Variants in BCL10 observed in about 807,000 individuals in gnomAD.
The protein encoded by BCL10 is BCL10 immune signaling adaptor.
BCL10 carries 5 observed loss-of-function variants against 19.2 expected under a neutral mutation model. The observed-to-expected ratio is 0.26, with a 90% confidence interval of 0.14 to 0.55. The LOEUF is 0.55. BCL10 is among the 20% of genes least tolerant of loss of function. The pLI is 0.94. For synonymous variants in BCL10, 110 were observed against 98.8 expected (o/e 1.11, Z -0.67); for missense variants, 201 against 271.9 (o/e 0.74, Z 1.83).
chr1:85,268,094 A>C, intron 2 of BCL10, 112 bp from the exon 3 acceptor site: 1 of 661,964 alleles, frequency 1.5e-6, no homozygotes, highest in Non-Finnish European at 2.5e-6. Context: ...ATCAAAATTT[A>C]AATAGCAACT....
At chr1:85,269,576 T>C (rs1329670382) in intron 2 of BCL10, among the ~76,000 whole-genome samples, 1 of 152,224 alleles carries the variant, frequency 6.6e-6, no homozygotes, top group African/African-American at 2.4e-5. Context: ...AAGGGAAAAC[T>C]TGTAATGTGT....
intron 1 of BCL10, among the ~76,000 whole-genome samples, chr1:85,273,304 A>G (rs933090711): frequency 6.6e-6 from 1 of 152,198 alleles, no homozygotes; most frequent in Non-Finnish European, 1.5e-5. Flanking sequence ...TTTCAGCTGC[A>G]TAAACACAGT....
Position 85,266,145 on chromosome 1 carries a change from A to G in BCL10, c.*1482T>C. On this transcript the variant is annotated 3_prime_UTR_variant, in exon 3 of 3. Coordinates refer to ENST00000648566, the MANE Select transcript of BCL10 (RefSeq NM_003921.5). ...ATCAGTCCATCCAGAAATGCAACTC[A>G]ATCTCACAACCTGAAGTAATGTTTT... is the stretch of plus-strand genomic sequence containing the variant. The G allele has an allele frequency of 5.3e-6, 1 of 187,516 alleles. No individual in the cohort carries two copies. The highest frequency in any genetic ancestry group is 2.3e-5 in the African/African-American group (1 of 42,916). 11.6% of individuals were successfully genotyped at this position (187,516 alleles called of 1,614,324 possible).
Position 85,274,649 on chromosome 1 carries a change from A to G in BCL10, c.57+1647T>C, listed in dbSNP as rs537950042. On this transcript the variant is annotated intron_variant, in intron 1 of 2. Coordinates refer to ENST00000648566, the MANE Select transcript of BCL10 (RefSeq NM_003921.5). ...GATAGTAAAAGTTCAATATTTGACA[A>G]GGTGAGCAATCTGTAGGATATAAAA... 4.3e-4 allele frequency among the ~76,000 whole-genome samples: 65 copies of G among 152,370 alleles called. 1 individual carries two copies. The South Asian group carries it at 0.013, about 32-fold the overall frequency.
At chr1:85,268,423 T>C (rs1385348644) in intron 2 of BCL10, among the ~76,000 whole-genome samples, 2 of 152,196 alleles carry the variant, frequency 1.3e-5, no homozygotes, top group Non-Finnish European at 2.9e-5. Context: ...AATAGGATAT[T>C]AGAACTAAAA....
intron 1 of BCL10, among the ~76,000 whole-genome samples, chr1:85,275,692 G>A (rs1479603275): frequency 6.6e-6 from 1 of 152,176 alleles, no homozygotes; most frequent in Non-Finnish European, 1.5e-5. Flanking sequence ...CATCCGAGAA[G>A]AGCATAATTT....
intron 2 of BCL10, among the ~76,000 whole-genome samples, chr1:85,268,744 G>A (rs1467772064): frequency 6.7e-6 from 1 of 148,322 alleles, no homozygotes; most frequent in African/African-American, 2.5e-5. Flanking sequence ...CTCCAGCCTG[G>A]GTGACAAGAG....
chr1:85,267,457 T>C lies in BCL10; in HGVS notation c.*170A>G, dbSNP rs1406832119. The C allele has an allele frequency of 3.5e-6, 2 of 579,650 alleles. No individual in the cohort carries two copies. The highest frequency in any genetic ancestry group is 2.9e-6 in the Non-Finnish European group (1 of 341,504). The allele number at this position is 579,650 out of a possible 1,614,324, so 35.9% of individuals were successfully genotyped here. Reference sequence around the variant, plus strand: ...GATCAACATGATTTACAGTTAGCTATCCTAGAAGTATGCTTTTTTAATTCT... The same window carrying C: ...GATCAACATGATTTACAGTTAGCTACCCTAGAAGTATGCTTTTTTAATTCT... On this transcript the variant is annotated 3_prime_UTR_variant, in exon 3 of 3. Transcript: ENST00000648566.
chr1:85,269,012 T>C (rs796107943), intron 2 of BCL10, among the ~76,000 whole-genome samples: 27 of 152,306 alleles, frequency 1.8e-4, no homozygotes, highest in African/African-American at 6.5e-4. Flanking sequence ...CTGAGGCCTT[T>C]GGGAGGCAAC....
At chr1:85,268,027 A>C (rs756178483) in intron 2 of BCL10, 45 bp from the exon 3 acceptor site, 2 of 1,334,014 alleles carry the variant, frequency 1.5e-6, no homozygotes, top group Non-Finnish European at 2.0e-6. Flanking sequence ...TAACTAAAAA[A>C]ATGGAGTCAC....
intron 1 of BCL10, among the ~76,000 whole-genome samples, chr1:85,276,003 G>A (rs1259807488): frequency 6.6e-6 from 1 of 152,230 alleles, no homozygotes; most frequent in African/African-American, 2.4e-5. Context: ...GAACCCAGTT[G>A]GGGGGAAAGC....
At chr1:85,269,613 T>C (rs1476939052) in intron 2 of BCL10, among the ~76,000 whole-genome samples, 1 of 152,256 alleles carries the variant, frequency 6.6e-6, no homozygotes, top group African/African-American at 2.4e-5. Context: ...TTATAGACTA[T>C]GAGTTCCTTA....
chr1:85,268,328 C>T (rs955734652), intron 2 of BCL10, among the ~76,000 whole-genome samples: 1 of 151,990 alleles, frequency 6.6e-6, no homozygotes, highest in African/African-American at 2.4e-5. Context: ...TATTCTGGTA[C>T]AAAAAATATT....
In BCL10 at chr1:85,267,492, A is replaced by G. The variant is rs1411357761; in HGVS notation, c.*135T>C. On this transcript the variant is annotated 3_prime_UTR_variant, in exon 3 of 3. Transcript: ENST00000648566. ...ATGCTTTTTTAATTCTAAAAATCCTATTTACAAAGTATGCTTACATTGCAT... is the reference window on the plus strand; with the variant it reads ...ATGCTTTTTTAATTCTAAAAATCCTGTTTACAAAGTATGCTTACATTGCAT... 5.8e-6 allele frequency: 4 copies of G among 692,404 alleles called. No homozygotes were observed. Among genetic ancestry groups the G allele is most frequent in the Non-Finnish European group, 9.1e-6 (4 of 438,344 alleles). 42.9% of individuals were successfully genotyped at this position (692,404 alleles called of 1,614,324 possible).
chr1:85,270,868 G>T lies in BCL10; in HGVS notation c.96C>A (p.Ile32=). The T allele has an allele frequency of 6.2e-7, 1 of 1,612,868 alleles. No homozygotes were observed. The highest frequency in any genetic ancestry group is 8.5e-7 in the Non-Finnish European group (1 of 1,179,932). Residue 32 remains isoleucine (I), a synonymous_variant, in exon 2 of 3, where the codon ATC becomes ATA. Transcript: ENST00000648566. The part of the protein sequence containing the change: ...ENLRVYLCEK[I]IAERHFDHLR... ...GATGATCAAAATGTCTCTCAGCTATGATTTTCTCACACAGGTATACACGTA... is the reference window on the plus strand; with the variant it reads ...GATGATCAAAATGTCTCTCAGCTATTATTTTCTCACACAGGTATACACGTA...
chr1:85,267,688 G>A lies in BCL10; in HGVS notation c.641C>T (p.Thr214Ile). ...PPDLQLEEEGTCANSSEMFLP... is the reference protein window; with the variant it reads ...PPDLQLEEEGICANSSEMFLP... ...AAACATCTCACTAGAGTTTGCACAA[G>A]TTCCTTCTTCTTCTAACTGTAGATC... The change falls in exon 3 of 3, where the codon ACT becomes ATT. Residue 214 changes from threonine (T) to isoleucine (I), a missense_variant. Around this residue, in one of 3 missense-constraint regions of BCL10, gnomAD observed 126 missense variants for 136.6 expected, o/e 0.92. Coordinates refer to ENST00000648566, the MANE Select transcript of BCL10 (RefSeq NM_003921.5). 1 of 1,614,124 alleles carries A rather than the reference G, an allele frequency of 6.2e-7. No individual in the cohort carries two copies. The highest frequency in any genetic ancestry group is 8.5e-7 in the Non-Finnish European group (1 of 1,180,018).
At chr1:85,274,426 C>T (rs1489825168) in intron 1 of BCL10, among the ~76,000 whole-genome samples, 1 of 152,118 alleles carries the variant, frequency 6.6e-6, no homozygotes, top group Non-Finnish European at 1.5e-5. Context: ...TTAGAACCAA[C>T]CACAGTATCA....
intron 1 of BCL10, among the ~76,000 whole-genome samples, chr1:85,274,920 G>A (rs558465917): frequency 1.3e-5 from 2 of 152,288 alleles, no homozygotes; most frequent in African/African-American, 4.8e-5. Context: ...TAACATCAAT[G>A]AATTGACAGA....
At chr1:85,268,030 G>T in intron 2 of BCL10, 48 bp from the exon 3 acceptor site, 1 of 1,287,598 alleles carries the variant, frequency 7.8e-7, no homozygotes, top group Non-Finnish European at 1.1e-6. Flanking sequence ...CTAAAAAAAT[G>T]GAGTCACTGT....
Sources: allele counts gnomAD v4.1 joint callset (sites outside exome capture counted in the v4.1 genomes callset), GRCh38; gene constraint gnomAD v4.1.1; regional missense constraint gnomAD v4.1.1; transcripts MANE v1.5; gene names NCBI Gene and HGNC (gene_info 2026-07-23, HGNC 2026-07-21).